The following JPH1 variants were observed in gnomAD, a reference collection of about 807,000 sequenced individuals.
JPH1 encodes the protein junctophilin 1.
A neutral mutation model predicts 53.6 loss-of-function variants in JPH1; 12 were observed. The ratio of observed to expected loss-of-function variants is 0.22; its 90% CI spans 0.14 to 0.36. The LOEUF (loss-of-function observed/expected upper bound fraction) is 0.36, where lower values mean the gene tolerates loss of function less well. Ranked by LOEUF, JPH1 falls within the 10% of genes least tolerant of loss-of-function variation. The pLI is 1.00. For synonymous variants in JPH1, 375 were observed against 363.8 expected (o/e 1.03, Z -0.35); for missense variants, 808 against 905.5 (o/e 0.89, Z 1.38).
chr8:74,281,063 C>T (rs1807004139), intron 2 of JPH1, among the ~76,000 whole-genome samples: 1 of 152,154 alleles, frequency 6.6e-6, no homozygotes, highest in South Asian at 2.1e-4. Context: ...CTGTCTTTCA[C>T]CTGGAAATAA....
chr8:74,319,864 T>C (rs890555340), intron 1 of JPH1, among the ~76,000 whole-genome samples: 2 of 152,248 alleles, frequency 1.3e-5, no homozygotes, highest in African/African-American at 4.8e-5. Context: ...CATGAATATC[T>C]TTCTCAGCGT....
In JPH1 at chr8:74,300,989, A is replaced by G. The variant is rs188135442; in HGVS notation, c.1139+13872T>C. ...CCGGGAATGAATCACTACATTTTCT[A>G]ATTGAATAATTTATCACCCATATAC... On this transcript the variant is annotated intron_variant, in intron 2 of 5. Coordinates refer to ENST00000342232, the MANE Select transcript of JPH1 (RefSeq NM_020647.4). Among the ~76,000 whole-genome samples the G allele has an allele frequency of 6.0e-3, 912 of 152,264 alleles. 7 individuals carry two copies. The highest frequency in any genetic ancestry group is 0.021 in the African/African-American group (868 of 41,548).
In JPH1 at chr8:74,315,583, A is replaced by G; in HGVS notation, c.417T>C (p.His139=). Residue 139 remains histidine (H), a synonymous_variant, in exon 2 of 6, where the codon CAT becomes CAC. Transcript: ENST00000342232. The surrounding 1 kb of genome is among the most constrained non-coding windows in gnomAD (Gnocchi z 6.3). ...YQGQWAGGMR[H]GYGVRQSVPY... ...GCACGCTCTGGCGCACGCCGTAGCC[A>G]TGCCGCATGCCTCCGGCCCACTGGC... The G allele has an allele frequency of 6.2e-7, 1 of 1,604,546 alleles. No individual in the cohort carries two copies. Among genetic ancestry groups the G allele is most frequent in the Non-Finnish European group, 8.5e-7 (1 of 1,178,378 alleles).
chr8:74,314,368 C>T (rs1442830359), intron 2 of JPH1, among the ~76,000 whole-genome samples: 2 of 152,184 alleles, frequency 1.3e-5, no homozygotes, highest in Admixed American at 6.5e-5. Context: ...TAAACAGAAT[C>T]TGAATTGTAT....
intron 4 of JPH1, among the ~76,000 whole-genome samples, chr8:74,240,590 A>G (rs926805688): frequency 1.3e-5 from 2 of 152,188 alleles, no homozygotes; most frequent in Admixed American, 6.5e-5. Context: ...CACCTGTACT[A>G]CTACACACTT....
intron 2 of JPH1, among the ~76,000 whole-genome samples, chr8:74,262,293 G>T (rs1034526307): frequency 6.6e-6 from 1 of 152,204 alleles, no homozygotes. Context: ...GAATAATCTG[G>T]ACTTGTCTCT....
At chr8:74,270,566 G>A (rs1806669700) in intron 2 of JPH1, among the ~76,000 whole-genome samples, 1 of 152,156 alleles carries the variant, frequency 6.6e-6, no homozygotes, top group Non-Finnish European at 1.5e-5. Flanking sequence ...ACACTTTGGT[G>A]CAATTTGGGG....
Position 74,314,951 on chromosome 8 carries a change from G to T in JPH1, c.1049C>A (p.Thr350Lys). 1.2e-6 allele frequency: 2 copies of T among 1,614,162 alleles called. No homozygotes were observed. Among genetic ancestry groups the T allele is most frequent in the African/African-American group, 1.3e-5 (1 of 75,030 alleles). ...TCTGTCCACCTTCTCCCTAGTTTTT[G>T]TATGTCTTATTGGTATAAGCTGCTT... Reference protein sequence around the residue: ...IRKQLIPIRHTKTREKVDRAI... With the variant: ...IRKQLIPIRHKKTREKVDRAI... Residue 350 changes from threonine (T) to lysine (K), a missense_variant, in exon 2 of 6, where the codon ACA (threonine) becomes AAA (lysine). Around this residue, in one of 2 missense-constraint regions of JPH1, gnomAD observed 756 missense variants for 811.9 expected, o/e 0.93. Coordinates refer to ENST00000342232, the MANE Select transcript of JPH1 (RefSeq NM_020647.4).
At chr8:74,302,090 A>G (rs1378670128) in intron 2 of JPH1, among the ~76,000 whole-genome samples, 2 of 152,226 alleles carry the variant, frequency 1.3e-5, no homozygotes, top group African/African-American at 2.4e-5. Flanking sequence ...ACAGATGTCA[A>G]ATTCACACAG....
chr8:74,302,000 G>A (rs1358342750), intron 2 of JPH1, among the ~76,000 whole-genome samples: 1 of 152,214 alleles, frequency 6.6e-6, no homozygotes, highest in Non-Finnish European at 1.5e-5. Flanking sequence ...CTCTGACGCT[G>A]CCGTGTGCTT....
At chr8:74,254,682 C>A (rs1374953235) in intron 3 of JPH1, among the ~76,000 whole-genome samples, 1 of 152,126 alleles carries the variant, frequency 6.6e-6, no homozygotes, top group African/African-American at 2.4e-5. Flanking sequence ...AGCTGATAAG[C>A]AACTTCAGCA....
chr8:74,305,337 C>T (rs955300830), intron 2 of JPH1, among the ~76,000 whole-genome samples: 4 of 152,220 alleles, frequency 2.6e-5, no homozygotes, highest in African/African-American at 4.8e-5. Flanking sequence ...CAGAACTCTG[C>T]CACTTGCTTA....
chr8:74,297,083 T>TAA (rs141633565), intron 2 of JPH1, among the ~76,000 whole-genome samples: 15 of 152,134 alleles, frequency 9.9e-5, no homozygotes, highest in African/African-American at 3.6e-4. Context: ...TGATGAACAG[T>TAA]AAAAAAAACT....
chr8:74,315,235 G>C lies in JPH1; in HGVS notation c.765C>G (p.Ser255=). 1.9e-6 allele frequency: 3 copies of C among 1,614,222 alleles called. No homozygotes were observed. Among genetic ancestry groups the C allele is most frequent in the Non-Finnish European group, 2.5e-6 (3 of 1,180,046 alleles). ...MSRISSSDAN[S]TISFGDVDCD... Reference sequence around the variant, plus strand: ...AATCTACATCGCCAAAGCTGATCGTGGAGTTGGCATCGCTGGAACTAATTC... The same window carrying C: ...AATCTACATCGCCAAAGCTGATCGTCGAGTTGGCATCGCTGGAACTAATTC... Residue 255 remains serine, a synonymous_variant, in exon 2 of 6, where the codon TCC becomes TCG. Coordinates refer to ENST00000342232, the MANE Select transcript of JPH1 (RefSeq NM_020647.4). This position sits in a 1 kb window ranked among gnomAD's most constrained non-coding sequence, Gnocchi z 6.3.
chr8:74,258,398 T>C (rs1806298732), intron 3 of JPH1, among the ~76,000 whole-genome samples: 1 of 152,134 alleles, frequency 6.6e-6, no homozygotes, highest in Non-Finnish European at 1.5e-5. Flanking sequence ...TAGAGAGGGG[T>C]AGAAAGAGTC....
intron 3 of JPH1, among the ~76,000 whole-genome samples, chr8:74,255,871 T>G (rs1019492221): frequency 6.6e-6 from 1 of 152,092 alleles, no homozygotes; most frequent in Non-Finnish European, 1.5e-5. Flanking sequence ...AGAATGGCGA[T>G]CATTAAAAAG....
chr8:74,316,091 A>T (rs1272417064), intron 1 of JPH1, among the ~76,000 whole-genome samples: 1 of 152,204 alleles, frequency 6.6e-6, no homozygotes. Flanking sequence ...ACATTCCAAG[A>T]AGTATACAGG....
chr8:74,258,332 T>C (rs1036054584), intron 3 of JPH1, among the ~76,000 whole-genome samples: 2 of 152,368 alleles, frequency 1.3e-5, no homozygotes, highest in Middle Eastern at 3.4e-3. Flanking sequence ...GGAGAATATA[T>C]ATAAATAGGT....
At chr8:74,277,139 T>C (rs955112861) in intron 2 of JPH1, among the ~76,000 whole-genome samples, 1 of 152,224 alleles carries the variant, frequency 6.6e-6, no homozygotes, top group African/African-American at 2.4e-5. Flanking sequence ...AAACCCGCTC[T>C]AGCAAGCACT....
Sources: gnomAD v4.1 joint callset for allele counts (sites outside exome capture counted in the v4.1 genomes callset) on GRCh38, gnomAD v4.1.1 for gene constraint, gnomAD v4.1.1 regional missense constraint, Gnocchi (gnomAD v3.1) non-coding constraint, MANE v1.5 for transcripts, NCBI Gene and HGNC (gene_info 2026-07-23, HGNC 2026-07-21) for gene names.